Variants in CCT2 observed in about 807,000 individuals in gnomAD.
CCT2 encodes chaperonin containing TCP1 subunit 2.
Under a neutral mutation model 61.8 loss-of-function variants are expected in CCT2, and 18 were observed. The observed-to-expected ratio is 0.29, with a 90% confidence interval of 0.20 to 0.43. The LOEUF (loss-of-function observed/expected upper bound fraction) is 0.43, where lower values mean the gene tolerates loss of function less well. CCT2 is among the 20% of genes least tolerant of loss of function. The pLI, the probability that CCT2 is intolerant of heterozygous loss-of-function variation, is 1.00. For missense variants in CCT2, 556 were observed against 656.9 expected (o/e 0.85, Z 1.68); for synonymous variants, 248 against 215.9 (o/e 1.15, Z -1.30).
rs35451435 is a variant in CCT2, at chr12:69,594,845, TTA to T, written c.982+1233_982+1234del. 1.8e-4 allele frequency among the ~76,000 whole-genome samples: 22 copies of T among 123,628 alleles called. No homozygotes were observed. In the East Asian group the frequency reaches 4.8e-3, roughly 27 times the overall value. The allele number at this position is 123,628 out of a possible 152,430, so 81.1% of individuals were successfully genotyped here. On this transcript the variant is annotated intron_variant, in intron 10 of 15. Coordinates refer to ENST00000299300, the MANE Select transcript of CCT2 (RefSeq NM_006431.3). ...TAAGTGACAGAGCAAGACCCTGTCT[TTA>T]AAAAAAAAAAAAAAAATGCAGCTTG...
At chr12:69,593,258 C>G (rs1250613004) in intron 9 of CCT2, among the ~76,000 whole-genome samples, 155 bp downstream of exon 9, 1 of 152,164 alleles carries the variant, frequency 6.6e-6, no homozygotes, top group Non-Finnish European at 1.5e-5. Flanking sequence ...GTGATTTATG[C>G]ACACTTACAG....
chr12:69,588,277 GTAC>G lies in CCT2; in HGVS notation c.446+20_446+22del, dbSNP rs1003450432. On this transcript the variant is annotated intron_variant, in intron 6 of 15. Transcript: ENST00000299300. ...GTTGATCATGGGTTTGTATAGCAAA[GTAC>G]TACTGTTCTAAACATTTAGTGTTCT... The G allele has an allele frequency of 6.5e-7, 1 of 1,535,040 alleles. No individual in the cohort carries two copies. The highest frequency in any genetic ancestry group is 1.4e-5 in the African/African-American group (1 of 73,426).
intron 5 of CCT2, 34 bp downstream of exon 5, chr12:69,588,040 G>T: frequency 4.4e-6 from 7 of 1,576,814 alleles, no homozygotes; most frequent in Non-Finnish European, 6.1e-6. Context: ...TTTTCCTACT[G>T]TGTTTTTGAG....
chr12:69,593,890 C>T (rs1348238165), intron 10 of CCT2, among the ~76,000 whole-genome samples: 1 of 151,912 alleles, frequency 6.6e-6, no homozygotes, highest in Non-Finnish European at 1.5e-5. Context: ...GTAATCCCAG[C>T]ACTTTGGGAG....
intron 10 of CCT2, among the ~76,000 whole-genome samples, chr12:69,595,688 CAAA>C (rs10655703): frequency 9.0e-5 from 9 of 99,490 alleles, no homozygotes; most frequent in Non-Finnish European, 1.0e-4. Flanking sequence ...GACTCCGTCT[CAAA>C]AAAAAAAAAA....
At position 69,585,495 on chromosome 12, in the gene CCT2, C is replaced by G; in HGVS notation, c.-27C>G. 1.3e-6 allele frequency: 2 copies of G among 1,562,776 alleles called. No individual in the cohort carries two copies. Among genetic ancestry groups the G allele is most frequent in the East Asian group, 2.4e-5 (1 of 42,092 alleles). On this transcript the variant is annotated 5_prime_UTR_variant, in exon 1 of 16. Coordinates refer to ENST00000299300, the MANE Select transcript of CCT2 (RefSeq NM_006431.3). ...CCCGAGCACGAGCTGTGAGGGGATT[C>G]ACTTGTGTGCGGAACTCCTCGGAAC...
chr12:69,598,096 C>A, intron 13 of CCT2, 25 bp downstream of exon 13: 1 of 1,517,590 alleles, frequency 6.6e-7, no homozygotes, highest in Non-Finnish European at 9.1e-7. Context: ...ATGAGAGATC[C>A]GAACTTAAGT....
At chr12:69,592,875 C>T (rs1881876789) in intron 8 of CCT2, 101 bp from the exon 9 acceptor site, 25 of 1,082,136 alleles carry the variant, frequency 2.3e-5, no homozygotes, top group Middle Eastern at 5.4e-4. Flanking sequence ...TTGCAGTGAG[C>T]CGAGATTGCC....
intron 14 of CCT2, among the ~76,000 whole-genome samples, 200 bp downstream of exon 14, chr12:69,598,621 A>G (rs1201585254): frequency 6.6e-6 from 1 of 152,252 alleles, no homozygotes; most frequent in Non-Finnish European, 1.5e-5. Flanking sequence ...TTATTCCATA[A>G]GACATGTAAA....
intron 6 of CCT2, among the ~76,000 whole-genome samples, chr12:69,588,932 T>C (rs1168366476): frequency 1.3e-5 from 2 of 152,246 alleles, no homozygotes; most frequent in Non-Finnish European, 2.9e-5. Context: ...TTTTATTTAT[T>C]TATTTATTTT....
Position 69,588,182 on chromosome 12 carries a change from T to C in CCT2, c.366T>C (p.His122=). ...AATCTTTAATTGCAAAAAAGATTCA[T>C]CCACAGACCATCATAGCGGGTTGGA... ...EAESLIAKKI[H]PQTIIAGWRE... is the part of the protein sequence containing the mutation. Residue 122 remains histidine, a synonymous_variant, in exon 6 of 16, where the codon CAT becomes CAC. Coordinates refer to ENST00000299300, the MANE Select transcript of CCT2 (RefSeq NM_006431.3). 6.2e-7 allele frequency: 1 copy of C among 1,614,110 alleles called. No individual in the cohort carries two copies. The highest frequency in any genetic ancestry group is 8.5e-7 in the Non-Finnish European group (1 of 1,179,964).
At chr12:69,585,736 T>C in intron 1 of CCT2, 1 of 1,454,798 alleles carries the variant, frequency 6.9e-7, no homozygotes, top group Non-Finnish European at 9.0e-7. Context: ...AAAGCCAGCG[T>C]CTCCTTGTGC....
At chr12:69,590,256 T>G (rs1384273486) in intron 7 of CCT2, among the ~76,000 whole-genome samples, 1 of 152,220 alleles carries the variant, frequency 6.6e-6, no homozygotes, top group Non-Finnish European at 1.5e-5. Flanking sequence ...CCAGTCAGCC[T>G]GGAACTTAAG....
In CCT2 at chr12:69,587,971, A is replaced by G; in HGVS notation, c.298A>G (p.Thr100Ala). The change falls in exon 5 of 16, where the codon ACC becomes GCC. Residue 100 changes from threonine to alanine, a missense_variant. Around this residue, in one of 3 missense-constraint regions of CCT2, gnomAD observed 308 missense variants for 350.6 expected, o/e 0.88. Transcript: ENST00000299300. ...AGATGATGAAGTTGGTGATGGCACT[A>G]CCTCTGTTACCGTTTTAGCAGCAGA... ...VQDDEVGDGT[T>A]SVTVLAAELL... The G allele has an allele frequency of 6.2e-7, 1 of 1,613,676 alleles. No individual in the cohort carries two copies. The highest frequency in any genetic ancestry group is 1.1e-5 in the South Asian group (1 of 91,070).
chr12:69,598,500 A>G, intron 14 of CCT2, 79 bp downstream of exon 14: 1 of 801,600 alleles, frequency 1.2e-6, no homozygotes. Context: ...TTTGGAACAT[A>G]AAGAGTTACA....
At chr12:69,596,091 T>C (rs559018609) in intron 10 of CCT2, among the ~76,000 whole-genome samples, 1 of 152,268 alleles carries the variant, frequency 6.6e-6, no homozygotes, top group African/African-American at 2.4e-5. Flanking sequence ...GAAAGAAAAG[T>C]CTCATGTAGA....
intron 10 of CCT2, 119 bp downstream of exon 10, chr12:69,593,732 A>G (rs548904690): frequency 2.9e-5 from 17 of 590,332 alleles, no homozygotes; most frequent in Non-Finnish European, 4.2e-5. Flanking sequence ...TCTGAAATCT[A>G]TTCTCTTGGA....
intron 10 of CCT2, among the ~76,000 whole-genome samples, chr12:69,596,042 C>T (rs73323778): frequency 0.015 from 2,280 of 152,278 alleles, 76 homozygotes; most frequent in African/African-American, 0.053. Context: ...CATTGCGCTC[C>T]AGTCTAGGCA....
intron 10 of CCT2, among the ~76,000 whole-genome samples, chr12:69,596,063 A>G (rs1881980070): frequency 6.6e-6 from 1 of 152,194 alleles, no homozygotes; most frequent in Non-Finnish European, 1.5e-5. Context: ...AGGTAGCAAG[A>G]CACTCTCTCT....
Sources: gnomAD v4.1 joint callset for allele counts (sites outside exome capture counted in the v4.1 genomes callset) on GRCh38, gnomAD v4.1.1 for gene constraint, gnomAD v4.1.1 regional missense constraint, MANE v1.5 for transcripts, NCBI Gene and HGNC (gene_info 2026-07-23, HGNC 2026-07-21) for gene names.